CA12: variants seen among roughly 807,000 people sequenced by gnomAD.
The protein encoded by CA12 is carbonate dehydratase XII.
In CA12, 36 loss-of-function variants were observed where a neutral mutation model predicts 46.8. That is an observed-to-expected ratio of 0.77 (90% CI 0.59 to 1.02). The LOEUF is 1.02. CA12 is among the 50% of genes least tolerant of loss of function. The probability of loss-of-function intolerance (pLI) is 0.00; values close to 1 mark genes in which losing one functional copy is unlikely to be tolerated. For missense variants in CA12, 436 were observed against 451.4 expected, an observed-to-expected ratio of 0.97 and a Z score of 0.31; for synonymous variants, 202 against 187.0, an observed-to-expected ratio of 1.08 and a Z score of -0.65.
chr15:63,322,307 A>G lies in CA12; in HGVS notation c.*3978T>C, dbSNP rs2038800231. ...ACCAGATTTCAAAGATTTACTGCAG[A>G]AAAAAACACATGAAAATACTGGTTA... On this transcript the variant is annotated 3_prime_UTR_variant, in exon 11 of 11. Coordinates refer to ENST00000178638, the MANE Select transcript of CA12 (RefSeq NM_001218.5). This position sits in a 1 kb window ranked among gnomAD's most constrained non-coding sequence, Gnocchi z 4.1. 1.3e-5 allele frequency: 2 copies of G among 152,308 alleles called. 1 individual carries two copies. The highest frequency in any genetic ancestry group is 4.1e-4 in the South Asian group (2 of 4,826). The allele number at this position is 152,308 out of a possible 1,614,324, so 9.4% of individuals were successfully genotyped here.
intron 2 of CA12, among the ~76,000 whole-genome samples, chr15:63,360,901 T>C (rs1672503517): frequency 6.6e-6 from 1 of 152,250 alleles, no homozygotes; most frequent in Admixed American, 6.5e-5. Context: ...GCTCTGTCTC[T>C]GGTTCCCTGT....
chr15:63,361,328 T>C (rs1276438041), intron 2 of CA12, among the ~76,000 whole-genome samples: 1 of 152,240 alleles, frequency 6.6e-6, no homozygotes, highest in Admixed American at 6.5e-5. Flanking sequence ...AGGATGAAGT[T>C]AAGCCATCCT....
rs1595793760 is a variant in CA12, at chr15:63,373,844, C to G, written c.106+1814G>C. Reference sequence around the variant, plus strand: ...GATCATATGGAATAAAGCCCAGAACCCAAGTGCCACCTTCTTTCCATGCCT... The same window carrying G: ...GATCATATGGAATAAAGCCCAGAACGCAAGTGCCACCTTCTTTCCATGCCT... On this transcript the variant is annotated intron_variant, in intron 2 of 10. Transcript: ENST00000178638. The surrounding 1 kb of genome is among the most constrained non-coding windows in gnomAD (Gnocchi z 4.9). Among the ~76,000 whole-genome samples the G allele has an allele frequency of 6.6e-6, 1 of 152,168 alleles. No homozygotes were observed. Among genetic ancestry groups the G allele is most frequent in the Non-Finnish European group, 1.5e-5 (1 of 68,020 alleles).
chr15:63,365,695 T>A (rs2039427465), intron 2 of CA12, among the ~76,000 whole-genome samples: 1 of 152,240 alleles, frequency 6.6e-6, no homozygotes, highest in South Asian at 2.1e-4. Flanking sequence ...GACCCCCATT[T>A]CTCCTCCCTT....
At chr15:63,379,745 C>G (rs1036880201) in intron 1 of CA12, among the ~76,000 whole-genome samples, 3 of 152,178 alleles carry the variant, frequency 2.0e-5, no homozygotes, top group Admixed American at 6.5e-5. Flanking sequence ...GTGCTGGGTG[C>G]TAGAACTTTC....
At chr15:63,381,398 G>A (rs1462640540) in intron 1 of CA12, among the ~76,000 whole-genome samples, 1 of 152,138 alleles carries the variant, frequency 6.6e-6, no homozygotes, top group Non-Finnish European at 1.5e-5. Context: ...GCGGTGCCCG[G>A]GAGTACACGC....
intron 2 of CA12, among the ~76,000 whole-genome samples, chr15:63,367,057 G>C (rs1244678156): frequency 0.028 from 1 of 36 alleles, no homozygotes; most frequent in Non-Finnish European, 0.056. Flanking sequence ...AAGTAGCTGA[G>C]ACTACCGCAC....
At chr15:63,350,575 T>G (rs1182021319) in intron 2 of CA12, among the ~76,000 whole-genome samples, 1 of 152,212 alleles carries the variant, frequency 6.6e-6, no homozygotes, top group African/African-American at 2.4e-5. Context: ...CATTATTTCT[T>G]TCCTGTCTAT....
Position 63,378,178 on chromosome 15 carries a change from A to G in CA12, c.86-2500T>C, listed in dbSNP as rs2152628607. ...CAAGACAGGCAGATCGCCTGAGGTCAGGAGTTCGAGACCAGCCTGGCCAAC... is the reference window on the plus strand; with the variant it reads ...CAAGACAGGCAGATCGCCTGAGGTCGGGAGTTCGAGACCAGCCTGGCCAAC... On this transcript the variant is annotated intron_variant, in intron 1 of 10. Transcript: ENST00000178638. The surrounding 1 kb of genome is among the most constrained non-coding windows in gnomAD (Gnocchi z 4.8). 6.6e-6 allele frequency among the ~76,000 whole-genome samples: 1 copy of G among 152,318 alleles called. No homozygotes were observed. The highest frequency in any genetic ancestry group is 6.5e-5 in the Admixed American group (1 of 15,298).
At position 63,328,210 on chromosome 15, in the gene CA12, T is replaced by G; in HGVS notation, c.875-80A>C. The G allele has an allele frequency of 3.1e-6, 4 of 1,309,400 alleles. No homozygotes were observed. Among genetic ancestry groups the G allele is most frequent in the Non-Finnish European group, 4.4e-6 (4 of 905,680 alleles). 81.1% of individuals were successfully genotyped at this position (1,309,400 alleles called of 1,614,324 possible). On this transcript the variant is annotated intron_variant, in intron 8 of 10. Coordinates refer to ENST00000178638, the MANE Select transcript of CA12 (RefSeq NM_001218.5). This position sits in a 1 kb window ranked among gnomAD's most constrained non-coding sequence, Gnocchi z 5.9. Reference sequence around the variant, plus strand: ...TTGAGCAGCGTGTTGAGAGACGCTCTACCATTTGTTTGGTCTTAGGCTGAC... The same window carrying G: ...TTGAGCAGCGTGTTGAGAGACGCTCGACCATTTGTTTGGTCTTAGGCTGAC...
At position 63,339,655 on chromosome 15, in the gene CA12, G is replaced by A. The variant is rs2039049935; in HGVS notation, c.747+633C>T. ...GGCTGTGAGCCAGGGTGTAGTGCTG[G>A]CCCCAGCCCCGTCTCCTGGGGAGCC... On this transcript the variant is annotated intron_variant, in intron 7 of 10. Coordinates refer to ENST00000178638, the MANE Select transcript of CA12 (RefSeq NM_001218.5). The surrounding 1 kb of genome is among the most constrained non-coding windows in gnomAD (Gnocchi z 4.3). Among the ~76,000 whole-genome samples the A allele has an allele frequency of 6.6e-6, 1 of 152,214 alleles. No homozygotes were observed. Among genetic ancestry groups the A allele is most frequent in the African/African-American group, 2.4e-5 (1 of 41,446 alleles).
chr15:63,377,392 G>A (rs2039590816), intron 1 of CA12, among the ~76,000 whole-genome samples: 1 of 152,126 alleles, frequency 6.6e-6, no homozygotes, highest in Non-Finnish European at 1.5e-5. Flanking sequence ...TAAAACTTAA[G>A]TGACAAGCAA....
chr15:63,328,766 T>G lies in CA12; in HGVS notation c.875-636A>C, dbSNP rs2038900409. 6.6e-6 allele frequency among the ~76,000 whole-genome samples: 1 copy of G among 152,128 alleles called. No homozygotes were observed. Among genetic ancestry groups the G allele is most frequent in the Admixed American group, 6.5e-5 (1 of 15,270 alleles). On this transcript the variant is annotated intron_variant, in intron 8 of 10. Coordinates refer to ENST00000178638, the MANE Select transcript of CA12 (RefSeq NM_001218.5). The surrounding 1 kb of genome is among the most constrained non-coding windows in gnomAD (Gnocchi z 5.9). ...CACATGCTGGAGTGCAGTGGCACAA[T>G]CTTGGCTCACTGCAACCTCCACCTC...
chr15:63,338,909 T>C lies in CA12; in HGVS notation c.784A>G (p.Met262Val), dbSNP rs1567043303. Residue 262 changes from methionine (M) to valine (V), a missense_variant, in exon 8 of 11, where the codon ATG (methionine) becomes GTG (valine). Coordinates refer to ENST00000178638, the MANE Select transcript of CA12 (RefSeq NM_001218.5). The part of the protein sequence containing the change: ...ALETALYCTH[M>V]DDPSPREMIN... ...ATTTCTCTGGGGGAAGGGTCGTCCATGTGTGTGCAGTACAGGGCTGTCTCC... is the reference window on the plus strand; with the variant it reads ...ATTTCTCTGGGGGAAGGGTCGTCCACGTGTGTGCAGTACAGGGCTGTCTCC... The C allele has an allele frequency of 2.5e-6, 4 of 1,614,050 alleles. No individual in the cohort carries two copies. The highest frequency in any genetic ancestry group is 2.2e-5 in the South Asian group (2 of 91,066).
At chr15:63,338,998 C>T (rs1037962584) in intron 7 of CA12, 53 bp from the exon 8 acceptor site, 4 of 1,610,964 alleles carry the variant, frequency 2.5e-6, no homozygotes, top group Non-Finnish European at 3.4e-6. Flanking sequence ...CTCACCTGAT[C>T]CCCTGGGAAG....
intron 2 of CA12, among the ~76,000 whole-genome samples, chr15:63,351,773 C>T (rs1460360058): frequency 6.6e-6 from 1 of 152,208 alleles, no homozygotes; most frequent in Non-Finnish European, 1.5e-5. Flanking sequence ...GGGTTGTGCA[C>T]ACTAGCAAGC....
At position 63,340,209 on chromosome 15, in the gene CA12, A is replaced by T; in HGVS notation, c.747+79T>A. The T allele has an allele frequency of 1.3e-6, 2 of 1,499,310 alleles. No homozygotes were observed. The highest frequency in any genetic ancestry group is 1.9e-6 in the Non-Finnish European group (2 of 1,078,832). 92.9% of individuals were successfully genotyped at this position (1,499,310 alleles called of 1,614,324 possible). On this transcript the variant is annotated intron_variant, in intron 7 of 10. Transcript: ENST00000178638. This position sits in a 1 kb window ranked among gnomAD's most constrained non-coding sequence, Gnocchi z 4.4. ...GCCAATGAAACTAAATGAGGAAATC[A>T]AGTCATTGATTGTGATATGGAGGAT... is the stretch of plus-strand genomic sequence containing the variant.
chr15:63,326,007 C>T lies in CA12; in HGVS notation c.*278G>A. ...ACCAGCATGGCTTGGTTTGTGATTC[C>T]AGAATTCAGACCACTTCACAATCTC... On this transcript the variant is annotated 3_prime_UTR_variant, in exon 11 of 11. Transcript: ENST00000178638. 2.2e-6 allele frequency: 1 copy of T among 458,346 alleles called. No individual in the cohort carries two copies. Among genetic ancestry groups the T allele is most frequent in the South Asian group, 2.5e-5 (1 of 40,708 alleles). The allele number at this position is 458,346 out of a possible 1,614,324, so 28.4% of individuals were successfully genotyped here. A position where few individuals can be genotyped will look rare whatever the true frequency, so the allele number is the denominator to read the frequency against.
intron 1 of CA12, among the ~76,000 whole-genome samples, chr15:63,375,920 C>T (rs542683226): frequency 6.6e-6 from 1 of 151,952 alleles, no homozygotes; most frequent in East Asian, 1.9e-4. Flanking sequence ...AGCAATTCTC[C>T]TGCCTCAGCC....
Sources: allele counts gnomAD v4.1 joint callset (sites outside exome capture counted in the v4.1 genomes callset), GRCh38; gene constraint gnomAD v4.1.1; non-coding constraint Gnocchi (gnomAD v3.1); transcripts MANE v1.5; gene names NCBI Gene and HGNC (gene_info 2026-07-23, HGNC 2026-07-21).